Variants in KLHL29 observed in about 807,000 individuals in gnomAD.
The protein encoded by KLHL29 is kelch like family member 29, also known as kelch-like protein 29.
Under a neutral mutation model 80.4 loss-of-function variants are expected in KLHL29, and 21 were observed. That is an observed-to-expected ratio of 0.26 (90% CI 0.19 to 0.38). KLHL29 has a LOEUF of 0.38. Ranked by LOEUF, KLHL29 falls within the 10% of genes least tolerant of loss-of-function variation. The probability of loss-of-function intolerance (pLI) is 1.00; values close to 1 mark genes in which losing one functional copy is unlikely to be tolerated. For missense variants in KLHL29, 867 were observed against 1,223.9 expected (o/e 0.71, Z 4.35); for synonymous variants, 511 against 526.8 (o/e 0.97, Z 0.41).
intron 3 of KLHL29, among the ~76,000 whole-genome samples, chr2:23,571,865 A>G (rs1667724147): frequency 6.6e-6 from 1 of 152,150 alleles, no homozygotes; most frequent in Admixed American, 6.5e-5. Flanking sequence ...GTGAAAAAGA[A>G]ATAAAAAACA....
At chr2:23,441,825 A>G (rs1663533926) in intron 1 of KLHL29, among the ~76,000 whole-genome samples, 1 of 152,222 alleles carries the variant, frequency 6.6e-6, no homozygotes. Flanking sequence ...AAAGGATACT[A>G]AAAGTTCTAA....
At chr2:23,586,441 C>A (rs1668121302) in intron 3 of KLHL29, among the ~76,000 whole-genome samples, 1 of 146,324 alleles carries the variant, frequency 6.8e-6, no homozygotes, top group African/African-American at 2.6e-5. Flanking sequence ...CTCACTGCAA[C>A]CTCCATGTCC....
chr2:23,497,060 GA>G (rs35779582), intron 2 of KLHL29, among the ~76,000 whole-genome samples: 71 of 143,744 alleles, frequency 4.9e-4, no homozygotes, highest in Non-Finnish European at 3.7e-4. Flanking sequence ...CCTAGGGTAG[GA>G]AAAAAAAAAA....
intron 1 of KLHL29, among the ~76,000 whole-genome samples, chr2:23,403,229 C>T (rs1052673722): frequency 3.4e-4 from 52 of 152,056 alleles, no homozygotes; most frequent in Non-Finnish European, 5.1e-4. Context: ...TTGCCATGCC[C>T]GTCCCCATCC....
intron 3 of KLHL29, among the ~76,000 whole-genome samples, chr2:23,611,589 G>A (rs1668872476): frequency 6.6e-6 from 1 of 152,158 alleles, no homozygotes; most frequent in Non-Finnish European, 1.5e-5. Flanking sequence ...AAAACAATGT[G>A]CAAAGGTAGA....
rs540933545 is a variant in KLHL29 at position 23,418,444 on chromosome 2, G to A, written c.-154+32664G>A. On this transcript the variant is annotated intron_variant, in intron 1 of 13. Transcript: ENST00000486442. ...TATGTAGGCTCCACATAGGCATCTC[G>A]GAGGGACCTGCAGACCCAGTGCTTT... 1.9e-3 allele frequency among the ~76,000 whole-genome samples: 284 copies of A among 152,296 alleles called. 2 individuals are homozygous for A. Among genetic ancestry groups the A allele is most frequent in the African/African-American group, 6.2e-3 (256 of 41,558 alleles).
chr2:23,613,817 A>T (rs1184748037), intron 3 of KLHL29, among the ~76,000 whole-genome samples: 1 of 150,174 alleles, frequency 6.7e-6, no homozygotes, highest in Non-Finnish European at 1.5e-5. Flanking sequence ...CACCAGGAAG[A>T]TACAACAATT....
chr2:23,561,424 C>T (rs751907832), intron 2 of KLHL29, among the ~76,000 whole-genome samples: 2 of 152,290 alleles, frequency 1.3e-5, no homozygotes, highest in East Asian at 1.9e-4. Context: ...GTCTGGTTAA[C>T]AGAGGCCAGG....
chr2:23,578,360 G>A (rs1667894739), intron 3 of KLHL29, among the ~76,000 whole-genome samples: 1 of 152,218 alleles, frequency 6.6e-6, no homozygotes. Context: ...TTCTAACTGT[G>A]TGACCTTAGC....
Position 23,696,173 on chromosome 2 carries a change from G to C in KLHL29, c.1924+40G>C, listed in dbSNP as rs1296802288. On this transcript the variant is annotated intron_variant, in intron 10 of 13. Transcript: ENST00000486442. The surrounding 1 kb of genome is among the most constrained non-coding windows in gnomAD (Gnocchi z 5.5). Reference sequence around the variant, plus strand: ...GGTTGGGGCGGGACCAGGCATGGGGGTCCCAAGGGGACTGCTCCCCACGTC... The same window carrying C: ...GGTTGGGGCGGGACCAGGCATGGGGCTCCCAAGGGGACTGCTCCCCACGTC... 7 of 1,535,174 alleles carry C rather than the reference G, an allele frequency of 4.6e-6. No homozygotes were observed. The highest frequency in any genetic ancestry group is 6.2e-6 in the Non-Finnish European group (7 of 1,136,256).
chr2:23,498,079 C>T (rs945202688), intron 2 of KLHL29, among the ~76,000 whole-genome samples: 3 of 152,112 alleles, frequency 2.0e-5, no homozygotes, highest in African/African-American at 7.2e-5. Context: ...ACCTAGTTAC[C>T]CTTTTCTGTG....
At chr2:23,534,172 A>G (rs1666590735) in intron 2 of KLHL29, among the ~76,000 whole-genome samples, 1 of 152,276 alleles carries the variant, frequency 6.6e-6, no homozygotes, top group African/African-American at 2.4e-5. Context: ...AAACAGGACA[A>G]CCGGGGCTTC....
chr2:23,670,910 TGCACGCGCTC>T (rs1670703271), intron 5 of KLHL29, among the ~76,000 whole-genome samples: 2 of 17,436 alleles, frequency 1.1e-4, no homozygotes, highest in East Asian at 2.8e-3. Context: ...TCTACACACA[TGCACGCGCTC>T]TCTCTCTCTC....
intron 2 of KLHL29, among the ~76,000 whole-genome samples, chr2:23,543,616 G>A (rs910471114): frequency 2.0e-5 from 3 of 152,210 alleles, no homozygotes; most frequent in Non-Finnish European, 4.4e-5. Context: ...TCCAGATGGG[G>A]GAAAGAACAA....
At chr2:23,603,257 G>A (rs1283063122) in intron 3 of KLHL29, among the ~76,000 whole-genome samples, 1 of 152,216 alleles carries the variant, frequency 6.6e-6, no homozygotes, top group African/African-American at 2.4e-5. Context: ...AGAAAAGGCA[G>A]CCAGAGGTAG....
At chr2:23,404,490 C>T (rs1558325651) in intron 1 of KLHL29, among the ~76,000 whole-genome samples, 1 of 152,162 alleles carries the variant, frequency 6.6e-6, no homozygotes, top group African/African-American at 2.4e-5. Context: ...CTTTAAATCT[C>T]GTGAAGGAAT....
chr2:23,627,336 C>A (rs539531474), intron 3 of KLHL29, among the ~76,000 whole-genome samples: 45 of 152,220 alleles, frequency 3.0e-4, no homozygotes, highest in African/African-American at 2.4e-5. Flanking sequence ...CCTGGCCACA[C>A]GTGGCTCTCA....
intron 3 of KLHL29, among the ~76,000 whole-genome samples, chr2:23,578,848 A>G (rs139914893): frequency 6.6e-6 from 1 of 152,228 alleles, no homozygotes; most frequent in Non-Finnish European, 1.5e-5. Context: ...TGTGGCAGGC[A>G]TCTCGGCAAT....
chr2:23,674,215 G>T (rs902493970), intron 5 of KLHL29, among the ~76,000 whole-genome samples: 1 of 152,134 alleles, frequency 6.6e-6, no homozygotes, highest in Non-Finnish European at 1.5e-5. Context: ...CACACGTGCC[G>T]ATTTCCATGT....
Sources: allele counts gnomAD v4.1 joint callset (sites outside exome capture counted in the v4.1 genomes callset), GRCh38; gene constraint gnomAD v4.1.1; non-coding constraint Gnocchi (gnomAD v3.1); transcripts MANE v1.5; gene names NCBI Gene and HGNC (gene_info 2026-07-23, HGNC 2026-07-21).